MPP7: variants seen among roughly 807,000 people sequenced by gnomAD.
The protein encoded by MPP7 is MAGUK p55 subfamily member 7.
Under a neutral mutation model 76.5 loss-of-function variants are expected in MPP7, and 60 were observed. The ratio of observed to expected loss-of-function variants is 0.78; its 90% CI spans 0.64 to 0.97. The LOEUF is 0.97. MPP7 is among the 50% of genes least tolerant of loss of function. The probability of loss-of-function intolerance (pLI) is 0.00; values close to 1 mark genes in which losing one functional copy is unlikely to be tolerated. For synonymous variants in MPP7, 237 were observed against 244.5 expected (o/e 0.97, Z 0.29); for missense variants, 641 against 694.0 (o/e 0.92, Z 0.86).
At chr10:28,114,841 T>C (rs1834611874) in intron 11 of MPP7, among the ~76,000 whole-genome samples, 1 of 152,180 alleles carries the variant, frequency 6.6e-6, no homozygotes, top group African/African-American at 2.4e-5. Context: ...TAGAAGCATC[T>C]ACTCTGATAG....
intron 12 of MPP7, among the ~76,000 whole-genome samples, chr10:28,076,886 T>G (rs1157757991): frequency 7.5e-6 from 1 of 132,464 alleles, no homozygotes; most frequent in Admixed American, 8.1e-5. Context: ...AGACTCCGTC[T>G]GAAAAAAAAA....
intron 3 of MPP7, among the ~76,000 whole-genome samples, chr10:28,184,357 ATAT>A (rs1035400672): frequency 1.0e-4 from 15 of 148,266 alleles, no homozygotes; most frequent in East Asian, 7.8e-4. Context: ...TTATCTTAAT[ATAT>A]TATTATGATA....
rs767771541 is a variant in MPP7 at position 28,131,563 on chromosome 10, T to C, written c.444A>G (p.Pro148=). Residue 148 remains proline (P), a synonymous_variant, in exon 6 of 17, where the codon CCA becomes CCG. Coordinates refer to ENST00000683449, the MANE Select transcript of MPP7 (RefSeq NM_001318170.2). ...KIIRLVKNRE[P]LGATIKKDEQ... ...ATATCTGAGCACCAAAACTCACCAG[T>C]GGTTCTCTATTTTTGACCAGACGGA... 1.9e-6 allele frequency: 3 copies of C among 1,589,978 alleles called. No individual in the cohort carries two copies. Among genetic ancestry groups the C allele is most frequent in the Non-Finnish European group, 1.7e-6 (2 of 1,165,822 alleles).
intron 3 of MPP7, among the ~76,000 whole-genome samples, chr10:28,181,932 A>AG (rs1837072043): frequency 6.6e-6 from 1 of 152,226 alleles, no homozygotes; most frequent in African/African-American, 2.4e-5. Flanking sequence ...ACATGCTTTC[A>AG]GTAAGACCCA....
chr10:28,119,006 T>G (rs1834744435), intron 11 of MPP7: 1 of 985,334 alleles, frequency 1.0e-6, no homozygotes, highest in Non-Finnish European at 1.2e-6. Flanking sequence ...ATTTATGGGA[T>G]GCAGACTTGA....
chr10:28,258,258 TAA>T (rs754391785), intron 1 of MPP7, among the ~76,000 whole-genome samples: 16 of 135,368 alleles, frequency 1.2e-4, no homozygotes, highest in Non-Finnish European at 1.1e-4. Context: ...CAAGAAAGGT[TAA>T]AAAAAAAAAA....
At chr10:28,213,791 C>CAAA (rs575725136) in intron 2 of MPP7, among the ~76,000 whole-genome samples, 2 of 58,060 alleles carry the variant, frequency 3.4e-5, no homozygotes, top group Non-Finnish European at 3.7e-5. Flanking sequence ...GACTCTGTCT[C>CAAA]AAAAAAAAAA....
chr10:28,233,504 C>T (rs1316136383), intron 2 of MPP7, among the ~76,000 whole-genome samples: 2 of 149,654 alleles, frequency 1.3e-5, no homozygotes, highest in Middle Eastern at 3.6e-3. Flanking sequence ...GCCAGGAGAC[C>T]GAGACCATCC....
chr10:28,167,334 CAA>C (rs1564672467), intron 3 of MPP7, among the ~76,000 whole-genome samples: 3 of 151,046 alleles, frequency 2.0e-5, no homozygotes, highest in Non-Finnish European at 4.4e-5. Context: ...AACAAACAAA[CAA>C]ACAAACAAAA....
chr10:28,221,490 G>A (rs1451342307), intron 2 of MPP7, among the ~76,000 whole-genome samples: 3 of 152,150 alleles, frequency 2.0e-5, no homozygotes, highest in Non-Finnish European at 4.4e-5. Flanking sequence ...GTTATGTGGT[G>A]AGGAATTATT....
intron 11 of MPP7, among the ~76,000 whole-genome samples, chr10:28,108,852 C>G (rs79114620): frequency 1.3e-5 from 2 of 152,164 alleles, no homozygotes; most frequent in African/African-American, 4.8e-5. Flanking sequence ...TCGTGTATAA[C>G]AACCCTCGGC....
intron 4 of MPP7, among the ~76,000 whole-genome samples, chr10:28,148,896 C>T (rs963733850): frequency 1.3e-5 from 2 of 152,102 alleles, no homozygotes; most frequent in Non-Finnish European, 2.9e-5. Flanking sequence ...TTTTTTAAGG[C>T]TTTCGTGCCT....
upstream of MPP7, among the ~76,000 whole-genome samples, chr10:28,335,017 T>A (rs1211778275): frequency 6.6e-6 from 1 of 152,214 alleles, no homozygotes; most frequent in African/African-American, 2.4e-5. Context: ...GCAATCAAGA[T>A]GCTGCTGGGG....
chr10:28,233,992 G>A (rs750301580), intron 2 of MPP7, among the ~76,000 whole-genome samples: 42 of 152,068 alleles, frequency 2.8e-4, no homozygotes, highest in Middle Eastern at 3.4e-3. Context: ...GAAAAGAAAC[G>A]AAATGAAACA....
intron 1 of MPP7, among the ~76,000 whole-genome samples, chr10:28,242,081 T>TAC (rs372662403): frequency 4.6e-5 from 7 of 151,952 alleles, no homozygotes; most frequent in South Asian, 2.1e-4. Context: ...TGTGAACATA[T>TAC]ACACACACAC....
At chr10:28,267,260 G>C (rs1229477893) in intron 1 of MPP7, among the ~76,000 whole-genome samples, 1 of 152,148 alleles carries the variant, frequency 6.6e-6, no homozygotes, top group African/African-American at 2.4e-5. Context: ...AAAAATATTT[G>C]CTAACCTCTG....
intron 5 of MPP7, among the ~76,000 whole-genome samples, chr10:28,144,116 T>C (rs1229839171): frequency 2.0e-5 from 3 of 152,166 alleles, no homozygotes; most frequent in African/African-American, 7.2e-5. Context: ...CTCGAACTCC[T>C]GACCTCCGGT....
At chr10:28,315,274 G>T (rs1165148982) in intron 2 of MPP7, among the ~76,000 whole-genome samples, 1 of 139,318 alleles carries the variant, frequency 7.2e-6, no homozygotes, top group Non-Finnish European at 1.6e-5. Flanking sequence ...GGAAAAGAAA[G>T]AAGGAGGGGG....
intron 15 of MPP7, chr10:28,057,867 T>G (rs146883805): frequency 8.2e-7 from 1 of 1,222,836 alleles, no homozygotes; most frequent in African/African-American, 1.6e-5. Flanking sequence ...ATGAGGAAAA[T>G]GCTGTGGGCT....
Sources: gnomAD v4.1 joint callset for allele counts (sites outside exome capture counted in the v4.1 genomes callset) on GRCh38, gnomAD v4.1.1 for gene constraint, MANE v1.5 for transcripts, NCBI Gene and HGNC (gene_info 2026-07-23, HGNC 2026-07-21) for gene names.